The following PLCB1 variants were observed in gnomAD, a reference collection of about 807,000 sequenced individuals.
The protein encoded by PLCB1 is 1-phosphatidylinositol 4,5-bisphosphate phosphodiesterase beta-1.
A neutral mutation model predicts 161.8 loss-of-function variants in PLCB1; 46 were observed. The ratio of observed to expected loss-of-function variants is 0.28; its 90% confidence interval spans 0.22 to 0.36. PLCB1 has a LOEUF of 0.36. Among genes scored for constraint, PLCB1 ranks in the 10% least tolerant of loss-of-function variants. PLCB1 has a pLI of 1.00. For missense variants in PLCB1, 1,016 were observed against 1,472.5 expected, an observed-to-expected ratio of 0.69 and a Z score of 5.07; for synonymous variants, 517 against 503.7, an observed-to-expected ratio of 1.03 and a Z score of -0.35.
At chr20:8,501,386 G>A (rs1983397026) in intron 3 of PLCB1, among the ~76,000 whole-genome samples, 2 of 152,232 alleles carry the variant, frequency 1.3e-5, no homozygotes, top group African/African-American at 2.4e-5. Flanking sequence ...CACGCTCTCA[G>A]TGTGTGCTTG....
chr20:8,461,920 A>C (rs59929243), intron 3 of PLCB1, among the ~76,000 whole-genome samples: 3 of 152,276 alleles, frequency 2.0e-5, no homozygotes, highest in East Asian at 3.9e-4. Flanking sequence ...AAAATATCCC[A>C]TTCCAATTTG....
At chr20:8,329,319 AC>A (rs767128235) in intron 2 of PLCB1, among the ~76,000 whole-genome samples, 11 of 141,306 alleles carry the variant, frequency 7.8e-5, no homozygotes, top group Non-Finnish European at 1.2e-4. Flanking sequence ...TAAAATAAAT[AC>A]TTTTTTTTTT....
At chr20:8,340,427 T>A in intron 2 of PLCB1, among the ~76,000 whole-genome samples, 1 of 152,222 alleles carries the variant, frequency 6.6e-6, no homozygotes, top group East Asian at 1.9e-4. Flanking sequence ...TTTTTTGTTT[T>A]TGTTTTTGTT....
intron 3 of PLCB1, among the ~76,000 whole-genome samples, chr20:8,375,943 CAAA>C (rs34790517): frequency 4.6e-4 from 43 of 93,066 alleles, no homozygotes; most frequent in African/African-American, 1.5e-3. Context: ...CCAAGTGAAC[CAAA>C]AAAAAAAAAA....
At chr20:8,592,688 T>C (rs1336222099) in intron 3 of PLCB1, among the ~76,000 whole-genome samples, 1 of 152,220 alleles carries the variant, frequency 6.6e-6, no homozygotes, top group Non-Finnish European at 1.5e-5. Flanking sequence ...AATTTTCCAC[T>C]GTGGCATCAC....
intron 2 of PLCB1, among the ~76,000 whole-genome samples, chr20:8,235,795 A>G (rs1312007070): frequency 6.6e-6 from 1 of 152,096 alleles, no homozygotes; most frequent in Non-Finnish European, 1.5e-5. Flanking sequence ...TTATAAAATG[A>G]GAAAGTTTTT....
At chr20:8,424,330 C>T (rs977228415) in intron 3 of PLCB1, among the ~76,000 whole-genome samples, 1 of 152,164 alleles carries the variant, frequency 6.6e-6, no homozygotes, top group Admixed American at 6.5e-5. Context: ...TCTCAGATAA[C>T]ATATCTTTAC....
rs905201258 is a variant in PLCB1 at position 8,535,306 on chromosome 20, G to A, written c.247-92988G>A. Among the ~76,000 whole-genome samples, 5 of 149,672 alleles carry A rather than the reference G, an allele frequency of 3.3e-5. No individual in the cohort carries two copies. The East Asian group carries it at 9.8e-4, about 29-fold the overall frequency. ...TACTATTTTGTTGTAATTAGAATAT[G>A]CAATTATTATATATTAAACATATCT... On this transcript the variant is annotated intron_variant, in intron 3 of 31. Coordinates refer to ENST00000338037, the MANE Select transcript of PLCB1 (RefSeq NM_015192.4).
chr20:8,176,921 A>C (rs1189248103), intron 2 of PLCB1, among the ~76,000 whole-genome samples: 1 of 152,182 alleles, frequency 6.6e-6, no homozygotes, highest in Non-Finnish European at 1.5e-5. Flanking sequence ...AAAGTGATAG[A>C]ATGAATATTA....
chr20:8,421,298 CT>C (rs1979528793), intron 3 of PLCB1, among the ~76,000 whole-genome samples: 1 of 152,158 alleles, frequency 6.6e-6, no homozygotes, highest in South Asian at 2.1e-4. Context: ...TGGAAACTGC[CT>C]TTTCAGAAAG....
intron 3 of PLCB1, among the ~76,000 whole-genome samples, chr20:8,524,114 T>C (rs1984489021): frequency 6.9e-6 from 1 of 144,588 alleles, no homozygotes; most frequent in Admixed American, 6.8e-5. Context: ...CAATGCTATG[T>C]ATTAAAAGCC....
intron 3 of PLCB1, among the ~76,000 whole-genome samples, chr20:8,534,727 T>C (rs575820501): frequency 6.6e-6 from 1 of 152,236 alleles, no homozygotes; most frequent in Admixed American, 6.5e-5. Flanking sequence ...AACTGAGATA[T>C]GCGTTTCTCT....
intron 3 of PLCB1, among the ~76,000 whole-genome samples, chr20:8,412,747 A>T (rs1384812495): frequency 6.6e-6 from 1 of 152,120 alleles, no homozygotes; most frequent in African/African-American, 2.4e-5. Context: ...GTATCTGTCT[A>T]TCTAGTTGTC....
intron 2 of PLCB1, among the ~76,000 whole-genome samples, chr20:8,293,788 C>A (rs974927762): frequency 9.2e-5 from 14 of 152,226 alleles, no homozygotes; most frequent in Admixed American, 1.3e-4. Context: ...CGGAAACATT[C>A]AGTAGATAAA....
chr20:8,391,785 GTATATATATATATATATATATA>G (rs374178427), intron 3 of PLCB1, among the ~76,000 whole-genome samples: 50 of 115,156 alleles, frequency 4.3e-4, no homozygotes, highest in Non-Finnish European at 7.0e-4. Flanking sequence ...ATATGTGTGT[GTATATATATATATATATATATA>G]TATATATATA....
At chr20:8,366,939 A>G (rs1419625975) in intron 2 of PLCB1, among the ~76,000 whole-genome samples, 2 of 152,222 alleles carry the variant, frequency 1.3e-5, no homozygotes, top group Non-Finnish European at 2.9e-5. Context: ...AGATGTATCT[A>G]ATGTTATGAA....
intron 10 of PLCB1, 133 bp from the exon 11 acceptor site, chr20:8,697,493 A>G: frequency 1.2e-6 from 1 of 851,208 alleles, no homozygotes; most frequent in Admixed American, 2.4e-5. Context: ...GTTGAGGCAG[A>G]AGAAAGGCAA....
intron 3 of PLCB1, among the ~76,000 whole-genome samples, chr20:8,447,019 A>T (rs1057412713): frequency 3.9e-5 from 6 of 152,230 alleles, no homozygotes; most frequent in Non-Finnish European, 5.9e-5. Context: ...CTGAAATTGC[A>T]TGCAAATCTT....
intron 3 of PLCB1, among the ~76,000 whole-genome samples, chr20:8,532,391 T>C (rs1018663180): frequency 6.6e-6 from 1 of 152,174 alleles, no homozygotes; most frequent in Non-Finnish European, 1.5e-5. Context: ...TCCACACATA[T>C]GGTTTATGCC....
Sources: allele counts gnomAD v4.1 joint callset (sites outside exome capture counted in the v4.1 genomes callset), GRCh38; gene constraint gnomAD v4.1.1; transcripts MANE v1.5; gene names NCBI Gene and HGNC (gene_info 2026-07-23, HGNC 2026-07-21).